Variants in TMEM120B observed in about 807,000 individuals in gnomAD.
TMEM120B encodes transmembrane protein 120B.
Under a neutral mutation model 55.5 loss-of-function variants are expected in TMEM120B, and 31 were observed. The ratio of observed to expected loss-of-function variants is 0.56; its 90% CI spans 0.42 to 0.75. The LOEUF (loss-of-function observed/expected upper bound fraction) is 0.75. TMEM120B is among the 30% of genes least tolerant of loss of function. The pLI, the probability that TMEM120B is intolerant of heterozygous loss-of-function variation, is 0.00. For synonymous variants in TMEM120B, 203 were observed against 176.3 expected (o/e 1.15, Z -1.20); for missense variants, 399 against 425.5 (o/e 0.94, Z 0.55).
intron 1 of TMEM120B, among the ~76,000 whole-genome samples, chr12:121,733,614 A>G (rs1895045980): frequency 1.3e-5 from 2 of 148,416 alleles, no homozygotes; most frequent in Admixed American, 1.4e-4. Context: ...ACCTCGGCTC[A>G]CTGCAGCCTC....
chr12:121,742,585 GTTTTTA>G (rs1231049388), intron 1 of TMEM120B, among the ~76,000 whole-genome samples: 2 of 151,950 alleles, frequency 1.3e-5, no homozygotes, highest in South Asian at 2.1e-4. Context: ...TATTGTTTTT[GTTTTTA>G]TTTTTATTTT....
chr12:121,726,329 C>T (rs1894891102), intron 1 of TMEM120B, among the ~76,000 whole-genome samples: 1 of 152,052 alleles, frequency 6.6e-6, no homozygotes, highest in Non-Finnish European at 1.5e-5. Flanking sequence ...CCTGTAATCC[C>T]AGCACTTTGG....
At position 121,773,586 on chromosome 12, in the gene TMEM120B, C is replaced by G; in HGVS notation, c.772+73C>G. The G allele has an allele frequency of 2.6e-6, 3 of 1,149,068 alleles. No homozygotes were observed. In the Admixed American group the frequency reaches 8.5e-5, roughly 32 times the overall value. 71.2% of individuals were successfully genotyped at this position (1,149,068 alleles called of 1,614,324 possible). A position where few individuals can be genotyped will look rare whatever the true frequency, so the allele number is the denominator to read the frequency against. Reference sequence around the variant, plus strand: ...CAGCTCCCCACACCGGGAGTGCAGCCCTGCGAGCACCTCCCATACAGCGGA... The same window carrying G: ...CAGCTCCCCACACCGGGAGTGCAGCGCTGCGAGCACCTCCCATACAGCGGA... On this transcript the variant is annotated intron_variant, in intron 9 of 11. Transcript: ENST00000449592.
intron 1 of TMEM120B, among the ~76,000 whole-genome samples, chr12:121,726,938 C>G (rs1193936203): frequency 6.9e-5 from 8 of 116,542 alleles, no homozygotes; most frequent in Non-Finnish European, 1.0e-4. Flanking sequence ...AAAAAAAAAG[C>G]TTCAGGCTGG....
At chr12:121,728,657 T>A (rs1334882859) in intron 1 of TMEM120B, among the ~76,000 whole-genome samples, 1 of 151,994 alleles carries the variant, frequency 6.6e-6, no homozygotes, top group East Asian at 1.9e-4. Context: ...CAGCCCCAAC[T>A]GGGAAGGTAA....
intron 1 of TMEM120B, among the ~76,000 whole-genome samples, chr12:121,718,444 TGCAGTGA>T (rs1372632169): frequency 2.6e-5 from 4 of 152,156 alleles, no homozygotes; most frequent in Admixed American, 6.6e-5. Context: ...AGGCGGAGGT[TGCAGTGA>T]GCCAAGATCG....
intron 5 of TMEM120B, among the ~76,000 whole-genome samples, 195 bp downstream of exon 5, chr12:121,752,418 G>A (rs1322791161): frequency 6.6e-6 from 1 of 152,150 alleles, no homozygotes; most frequent in Non-Finnish European, 1.5e-5. Flanking sequence ...ACAAGTATCT[G>A]TTAAACGGCT....
In TMEM120B at chr12:121,776,155, T is replaced by C. The variant is rs1340010227; in HGVS notation, c.*433T>C. On this transcript the variant is annotated 3_prime_UTR_variant, in exon 12 of 12. Coordinates refer to ENST00000449592, the MANE Select transcript of TMEM120B (RefSeq NM_001080825.2). ...GGGGTGGTGTGAACCCTCAGTGTCC[T>C]GTGGCGCCCCCACCCCGGGGCCACT... 2 of 374,576 alleles carry C rather than the reference T, an allele frequency of 5.3e-6. No individual in the cohort carries two copies. Among genetic ancestry groups the C allele is most frequent in the South Asian group, 7.0e-5 (1 of 14,218 alleles). 23.2% of individuals were successfully genotyped at this position (374,576 alleles called of 1,614,324 possible). A position where few individuals can be genotyped will look rare whatever the true frequency, so the allele number is the denominator to read the frequency against.
rs534755619 is a variant in TMEM120B at position 121,770,898 on chromosome 12, T to C, written c.552-9T>C. ...TCCTGAGCACTTTCCGTTCTCTCCC[T>C]CTCCCGAGAATTAAAGGCTGGTGGG... On this transcript the variant is annotated splice_polypyrimidine_tract_variant and intron_variant, in intron 6 of 11. Coordinates refer to ENST00000449592, the MANE Select transcript of TMEM120B (RefSeq NM_001080825.2). The C allele has an allele frequency of 1.9e-6, 3 of 1,613,936 alleles. No homozygotes were observed. In the South Asian group the frequency reaches 3.3e-5, roughly 18 times the overall value.
chr12:121,758,691 G>T, intron 5 of TMEM120B: 1 of 979,720 alleles, frequency 1.0e-6, no homozygotes, highest in South Asian at 4.7e-5. Context: ...CTAGCTCCAC[G>T]CTGTGGTCAC....
chr12:121,775,914 T>C lies in TMEM120B; in HGVS notation c.*192T>C. The C allele has an allele frequency of 1.6e-6, 1 of 639,378 alleles. No individual in the cohort carries two copies. Among genetic ancestry groups the C allele is most frequent in the Non-Finnish European group, 2.8e-6 (1 of 363,464 alleles). 39.6% of individuals were successfully genotyped at this position (639,378 alleles called of 1,614,324 possible). A position where few individuals can be genotyped will look rare whatever the true frequency, so the allele number is the denominator to read the frequency against. ...AGTGTCCGCCCACCTATTTATGACATATTTAATGCTGGGTCCCCCATCGTC... is the reference window on the plus strand; with the variant it reads ...AGTGTCCGCCCACCTATTTATGACACATTTAATGCTGGGTCCCCCATCGTC... On this transcript the variant is annotated 3_prime_UTR_variant, in exon 12 of 12. Transcript: ENST00000449592. This position sits in a 1 kb window ranked among gnomAD's most constrained non-coding sequence, Gnocchi z 4.3.
chr12:121,717,095 G>A (rs891152729), intron 1 of TMEM120B, among the ~76,000 whole-genome samples: 1 of 152,176 alleles, frequency 6.6e-6, no homozygotes, highest in African/African-American at 2.4e-5. Flanking sequence ...GGTGGCTGGG[G>A]TTTCAGGCAT....
chr12:121,781,048 A>G lies in TMEM120B; in HGVS notation c.*5326A>G. On this transcript the variant is annotated 3_prime_UTR_variant, in exon 12 of 12. Transcript: ENST00000449592. ...CGGGATCAGGGGTGCGGCCGGGCCCAGATGTGGGGCCACCACCCAGGAGGC... is the reference window on the plus strand; with the variant it reads ...CGGGATCAGGGGTGCGGCCGGGCCCGGATGTGGGGCCACCACCCAGGAGGC... 1 of 1,613,814 alleles carries G rather than the reference A, an allele frequency of 6.2e-7. No individual in the cohort carries two copies. The highest frequency in any genetic ancestry group is 8.5e-7 in the Non-Finnish European group (1 of 1,179,772).
At position 121,779,222 on chromosome 12, in the gene TMEM120B, G is replaced by A. The variant is rs1327481132; in HGVS notation, c.*3500G>A. ...GAGTCTGCACTGGGGAGACACTCGT[G>A]GTGGGGGTGGCTGTGATGAGGGCAC... On this transcript the variant is annotated 3_prime_UTR_variant, in exon 12 of 12. Transcript: ENST00000449592. 2.0e-6 allele frequency: 1 copy of A among 501,020 alleles called. No individual in the cohort carries two copies. Among genetic ancestry groups the A allele is most frequent in the Admixed American group, 3.2e-5 (1 of 31,372 alleles). 31.0% of individuals were successfully genotyped at this position (501,020 alleles called of 1,614,324 possible).
chr12:121,769,950 C>T (rs1050557102), intron 6 of TMEM120B, among the ~76,000 whole-genome samples: 1 of 152,012 alleles, frequency 6.6e-6, no homozygotes, highest in Non-Finnish European at 1.5e-5. Flanking sequence ...CCGAGTGGGG[C>T]CATCAGGCTG....
chr12:121,749,905 C>CA (rs112189031), intron 3 of TMEM120B, among the ~76,000 whole-genome samples: 419 of 79,480 alleles, frequency 5.3e-3, no homozygotes, highest in South Asian at 6.4e-3. Flanking sequence ...GACTCTGTCT[C>CA]AAAAAAAAAA....
chr12:121,730,686 G>A (rs1227485896), intron 1 of TMEM120B, among the ~76,000 whole-genome samples: 7 of 149,142 alleles, frequency 4.7e-5, no homozygotes, highest in Admixed American at 1.4e-4. Flanking sequence ...AACCGGGCGC[G>A]GTGGCTCACA....
At chr12:121,723,359 G>A (rs1447720360) in intron 1 of TMEM120B, among the ~76,000 whole-genome samples, 1 of 152,070 alleles carries the variant, frequency 6.6e-6, no homozygotes, top group Non-Finnish European at 1.5e-5. Context: ...GCAGAGACAG[G>A]GTCTTGCTGT....
At chr12:121,754,585 C>T (rs969423534) in intron 5 of TMEM120B, among the ~76,000 whole-genome samples, 1 of 152,184 alleles carries the variant, frequency 6.6e-6, no homozygotes, top group Admixed American at 6.5e-5. Flanking sequence ...CCAGCAAGCC[C>T]GTATTGCCTG....
Sources: gnomAD v4.1 joint callset for allele counts (sites outside exome capture counted in the v4.1 genomes callset) on GRCh38, gnomAD v4.1.1 for gene constraint, Gnocchi (gnomAD v3.1) non-coding constraint, MANE v1.5 for transcripts, NCBI Gene and HGNC (gene_info 2026-07-23, HGNC 2026-07-21) for gene names.